COPG2: variants seen among roughly 807,000 people sequenced by gnomAD.
COPG2 encodes the protein coatomer subunit gamma-2.
A neutral mutation model predicts 46.3 loss-of-function variants in COPG2; 37 were observed. That is an observed-to-expected ratio of 0.80 (90% confidence interval 0.61 to 1.05). The LOEUF (loss-of-function observed/expected upper bound fraction) is 1.05. Among genes scored for constraint, COPG2 ranks in the 50% least tolerant of loss-of-function variants. The pLI is 0.00. For synonymous variants in COPG2, 159 were observed against 129.7 expected, an observed-to-expected ratio of 1.23 and a Z score of -1.53; for missense variants, 427 against 387.8, an observed-to-expected ratio of 1.10 and a Z score of -0.85.
chr7:130,618,028 G>C (rs981005559), intron 5 of COPG2, among the ~76,000 whole-genome samples: 8 of 145,618 alleles, frequency 5.5e-5, no homozygotes, highest in Non-Finnish European at 1.0e-4. Context: ...TTGAACCCAG[G>C]AGGCAGAGGT....
At chr7:130,643,279 A>G (rs1435181817) in intron 5 of COPG2, among the ~76,000 whole-genome samples, 3 of 151,320 alleles carry the variant, frequency 2.0e-5, no homozygotes, top group Non-Finnish European at 4.4e-5. Context: ...TGGGCGACAG[A>G]GCGAGACTGT....
In COPG2 at chr7:130,593,273, T is replaced by C. The variant is rs376701126; in HGVS notation, c.737+17680A>G. On this transcript the variant is annotated intron_variant, in intron 9 of 23. Coordinates refer to ENST00000425248, the MANE Select transcript of COPG2 (RefSeq NM_012133.6). Reference sequence around the variant, plus strand: ...CTAATCACTAACTGCAACTGGGAAATAGCCCTAAAGTCCCAATGAATAAAA... The same window carrying C: ...CTAATCACTAACTGCAACTGGGAAACAGCCCTAAAGTCCCAATGAATAAAA... 5.9e-5 allele frequency among the ~76,000 whole-genome samples: 9 copies of C among 152,200 alleles called. No homozygotes were observed. The East Asian group carries it at 9.6e-4, about 16-fold the overall frequency.
At chr7:130,513,216 G>A (rs1799625275) in intron 20 of COPG2, among the ~76,000 whole-genome samples, 1 of 148,236 alleles carries the variant, frequency 6.7e-6, no homozygotes, top group African/African-American at 2.5e-5. Context: ...AGCCCGGGAG[G>A]TGGAGGATGC....
At chr7:130,526,563 C>A (rs968842789) in intron 20 of COPG2, among the ~76,000 whole-genome samples, 21 of 151,802 alleles carry the variant, frequency 1.4e-4, no homozygotes, top group Non-Finnish European at 2.5e-4. Flanking sequence ...GGGCAGAAAG[C>A]GTGGTGGAAG....
chr7:130,524,349 C>A (rs1021007264), intron 20 of COPG2, among the ~76,000 whole-genome samples: 2 of 152,050 alleles, frequency 1.3e-5, no homozygotes, highest in Admixed American at 6.6e-5. Context: ...TGAAAAAATG[C>A]AGGAGGGTGC....
Position 130,572,005 on chromosome 7 carries a change from C to A in COPG2, c.738-7612G>T, listed in dbSNP as rs188898129. Among the ~76,000 whole-genome samples the A allele has an allele frequency of 5.4e-3, 825 of 152,158 alleles. 7 individuals carry two copies. Among genetic ancestry groups the A allele is most frequent in the Middle Eastern group, 0.024 (7 of 294 alleles). On this transcript the variant is annotated intron_variant, in intron 9 of 23. Transcript: ENST00000425248. ...AGTAACTCAGGAAAGGAAACCCAAACATCACATGTTCTCACTTAAAGGTGG... is the reference window on the plus strand; with the variant it reads ...AGTAACTCAGGAAAGGAAACCCAAAAATCACATGTTCTCACTTAAAGGTGG...
At chr7:130,592,884 G>A (rs1554449220) in intron 9 of COPG2, among the ~76,000 whole-genome samples, 1 of 152,222 alleles carries the variant, frequency 6.6e-6, no homozygotes, top group African/African-American at 2.4e-5. Flanking sequence ...GATCACAACA[G>A]TGAGTAGCTT....
chr7:130,523,965 G>A (rs1047086792), intron 20 of COPG2, among the ~76,000 whole-genome samples: 4,220 of 152,092 alleles, frequency 0.028, 192 homozygotes, highest in African/African-American at 0.097. Context: ...TGGCGGGGCA[G>A]GGGGATGAGG....
At position 130,652,886 on chromosome 7, in the gene COPG2, C is replaced by T. The variant is rs781883835; in HGVS notation, c.306G>A (p.Val102=). ...TTACATACCTGCTTGTGACAATTATCACATCCTCAGAGATGGTAGCCATTT... is the reference window on the plus strand; with the variant it reads ...TTACATACCTGCTTGTGACAATTATTACATCCTCAGAGATGGTAGCCATTT... The part of the protein sequence containing the change: ...IKEMATISED[V]IIVTSSLTKD... The change falls in exon 5 of 24, where the codon GTG becomes GTA. Residue 102 remains valine, a synonymous_variant. Coordinates refer to ENST00000425248, the MANE Select transcript of COPG2 (RefSeq NM_012133.6). 1 of 1,603,898 alleles carries T rather than the reference C, an allele frequency of 6.2e-7. No homozygotes were observed. Among genetic ancestry groups the T allele is most frequent in the South Asian group, 1.1e-5 (1 of 89,370 alleles).
At chr7:130,507,055 C>G (rs2116320982) in intron 23 of COPG2, among the ~76,000 whole-genome samples, 1 of 152,196 alleles carries the variant, frequency 6.6e-6, no homozygotes, top group East Asian at 1.9e-4. Flanking sequence ...TTGGTGGTGG[C>G]CTTGGTATCT....
At chr7:130,531,880 C>T (rs1404062356) in intron 20 of COPG2, among the ~76,000 whole-genome samples, 2 of 151,990 alleles carry the variant, frequency 1.3e-5, no homozygotes, top group African/African-American at 2.4e-5. Flanking sequence ...GGGGCACGGA[C>T]CCCCAGGCAG....
At chr7:130,635,008 A>G (rs541959750) in intron 5 of COPG2, among the ~76,000 whole-genome samples, 9 of 151,056 alleles carry the variant, frequency 6.0e-5, no homozygotes, top group African/African-American at 2.2e-4. Flanking sequence ...GTGATGGATT[A>G]CATTTGTTGA....
chr7:130,582,919 C>T (rs1794182305), intron 9 of COPG2, among the ~76,000 whole-genome samples: 1 of 151,790 alleles, frequency 6.6e-6, no homozygotes, highest in Non-Finnish European at 1.5e-5. Flanking sequence ...CTAGTTCAAC[C>T]ATTGTGGAAG....
intron 20 of COPG2, among the ~76,000 whole-genome samples, chr7:130,518,901 G>A (rs1799701289): frequency 6.6e-6 from 1 of 151,772 alleles, no homozygotes; most frequent in Non-Finnish European, 1.5e-5. Context: ...AGCTACTCGG[G>A]AGGCTGAGGC....
chr7:130,517,723 C>A lies in COPG2; in HGVS notation c.2150-9064G>T, dbSNP rs1799690981. ...TGCTATGATAATTTAATGCTAGTAG[C>A]CAAAATGGATAGGTAAGATATGATA... On this transcript the variant is annotated intron_variant, in intron 20 of 23. Transcript: ENST00000425248. Among the ~76,000 whole-genome samples, 4 of 152,098 alleles carry A rather than the reference C, an allele frequency of 2.6e-5. No homozygotes were observed. The South Asian group carries it at 6.2e-4, about 24-fold the overall frequency.
At chr7:130,654,721 T>G (rs1053776830) in intron 4 of COPG2, among the ~76,000 whole-genome samples, 2 of 152,134 alleles carry the variant, frequency 1.3e-5, no homozygotes, top group Admixed American at 1.3e-4. Flanking sequence ...ATAAAAAAAC[T>G]TCCAAAGTAT....
intron 4 of COPG2, among the ~76,000 whole-genome samples, chr7:130,661,933 C>T (rs1795988634): frequency 6.6e-6 from 1 of 152,116 alleles, no homozygotes; most frequent in Non-Finnish European, 1.5e-5. Context: ...AAAGTATATC[C>T]TGCAGGTGGC....
At chr7:130,510,839 A>C (rs1799583068) in intron 20 of COPG2, 5 of 496,476 alleles carry the variant, frequency 1.0e-5, no homozygotes, top group African/African-American at 1.9e-5. Context: ...TGGGGCGAGG[A>C]GGCAAGATGC....
intron 5 of COPG2, among the ~76,000 whole-genome samples, chr7:130,626,334 C>T (rs370363035): frequency 7.0e-4 from 106 of 152,114 alleles, no homozygotes; most frequent in African/African-American, 2.5e-3. Flanking sequence ...ATGCCAGCCC[C>T]GAGACAACTT....
Sources: allele counts gnomAD v4.1 joint callset (sites outside exome capture counted in the v4.1 genomes callset), GRCh38; gene constraint gnomAD v4.1.1; transcripts MANE v1.5; gene names NCBI Gene and HGNC (gene_info 2026-07-23, HGNC 2026-07-21).